The following GALNT13 variants were observed in gnomAD, a reference collection of about 807,000 sequenced individuals.
GALNT13 encodes the protein polypeptide N-acetylgalactosaminyltransferase 13, also known as UDP-GalNAc:polypeptide N-acetylgalactosaminyltransferase 13.
Under a neutral mutation model 64.2 loss-of-function variants are expected in GALNT13, and 28 were observed. That is an observed-to-expected ratio of 0.44 (90% CI 0.32 to 0.60). The LOEUF (loss-of-function observed/expected upper bound fraction) is 0.60, where lower values mean the gene tolerates loss of function less well. GALNT13 is among the 20% of genes least tolerant of loss of function. The probability of loss-of-function intolerance (pLI) is 0.05; values close to 1 mark genes in which losing one functional copy is unlikely to be tolerated. For synonymous variants in GALNT13, 214 were observed against 224.6 expected, an observed-to-expected ratio of 0.95 and a Z score of 0.42; for missense variants, 577 against 669.8, an observed-to-expected ratio of 0.86 and a Z score of 1.53.
chr2:154,002,653 A>G (rs1390372622), intron 3 of GALNT13, among the ~76,000 whole-genome samples: 2 of 152,028 alleles, frequency 1.3e-5, no homozygotes, highest in Non-Finnish European at 2.9e-5. Context: ...TTCTGGCTCC[A>G]TTACTGGAGC....
the GALNT13 span, among the ~76,000 whole-genome samples, chr2:153,365,092 T>G: frequency 2.0e-5 from 3 of 152,006 alleles, no homozygotes; most frequent in Non-Finnish European, 2.9e-5. Context: ...ACACCACACA[T>G]CTACAACCAT....
chr2:153,099,035 C>T, the GALNT13 span, among the ~76,000 whole-genome samples: 14,450 of 152,120 alleles, frequency 0.095, 765 homozygotes, highest in Non-Finnish European at 0.12. Flanking sequence ...GCAAGGGAAT[C>T]GCTTGAGGCA....
chr2:153,691,981 C>A, the GALNT13 span, among the ~76,000 whole-genome samples: 1 of 151,946 alleles, frequency 6.6e-6, no homozygotes, highest in Non-Finnish European at 1.5e-5. Flanking sequence ...GCCCAAACAC[C>A]ATTTTGGAGA....
chr2:153,241,704 C>T, the GALNT13 span, among the ~76,000 whole-genome samples: 2 of 151,814 alleles, frequency 1.3e-5, no homozygotes, highest in African/African-American at 2.4e-5. Context: ...CTATTTGTCT[C>T]TTCTGCAAGT....
At chr2:153,306,814 C>T in the GALNT13 span, among the ~76,000 whole-genome samples, 1 of 152,136 alleles carries the variant, frequency 6.6e-6, no homozygotes, top group East Asian at 1.9e-4. Context: ...AGCGCAGTGG[C>T]GTGATCTCTG....
the GALNT13 span, among the ~76,000 whole-genome samples, chr2:153,442,981 G>C: frequency 6.6e-6 from 1 of 152,186 alleles, no homozygotes; most frequent in Non-Finnish European, 1.5e-5. Flanking sequence ...AGCTTGCTGG[G>C]CTCTTTGCGG....
chr2:153,259,911 GA>G, the GALNT13 span, among the ~76,000 whole-genome samples: 1 of 151,880 alleles, frequency 6.6e-6, no homozygotes, highest in Non-Finnish European at 1.5e-5. Flanking sequence ...TCCTCTTAGT[GA>G]AGGTGAATTT....
the GALNT13 span, among the ~76,000 whole-genome samples, chr2:153,743,462 C>G: frequency 2.0e-5 from 3 of 151,694 alleles, no homozygotes; most frequent in Non-Finnish European, 4.4e-5. Flanking sequence ...TTTTTAATTT[C>G]AATTTTAATT....
the GALNT13 span, among the ~76,000 whole-genome samples, chr2:153,217,950 G>C: frequency 1.8e-4 from 28 of 152,198 alleles, no homozygotes; most frequent in East Asian, 5.4e-3. Flanking sequence ...CCTGCAGATG[G>C]ACATGTCTTT....
intron 3 of GALNT13, among the ~76,000 whole-genome samples, chr2:154,104,592 T>C (rs1702514429): frequency 6.6e-6 from 1 of 152,218 alleles, no homozygotes; most frequent in South Asian, 2.1e-4. Flanking sequence ...TGCTCCCCTC[T>C]TTTGAAGACT....
At chr2:153,129,742 C>T in the GALNT13 span, among the ~76,000 whole-genome samples, 1 of 151,778 alleles carries the variant, frequency 6.6e-6, no homozygotes, top group Non-Finnish European at 1.5e-5. Flanking sequence ...TGCACTCCAG[C>T]CTGGTGACAG....
intron 3 of GALNT13, among the ~76,000 whole-genome samples, chr2:154,032,277 C>A (rs1321640246): frequency 6.6e-6 from 1 of 151,950 alleles, no homozygotes; most frequent in Non-Finnish European, 1.5e-5. Flanking sequence ...GTGAGTAGTC[C>A]TGTTTGTATT....
At chr2:153,421,708 A>G in the GALNT13 span, 1 of 290,814 alleles carries the variant, frequency 3.4e-6, no homozygotes, top group Non-Finnish European at 7.0e-6. Flanking sequence ...CTCAGGGTGG[A>G]AGAGCTGGTG....
the GALNT13 span, among the ~76,000 whole-genome samples, chr2:153,533,159 T>C: frequency 6.6e-6 from 1 of 152,228 alleles, no homozygotes; most frequent in Non-Finnish European, 1.5e-5. Flanking sequence ...TGTTTTTCTT[T>C]ATCTTTCATT....
chr2:153,642,034 A>G, the GALNT13 span, among the ~76,000 whole-genome samples: 2 of 151,942 alleles, frequency 1.3e-5, no homozygotes, highest in South Asian at 2.1e-4. Context: ...TATATTTTCT[A>G]TTATCTTCAA....
At chr2:153,194,289 T>G in the GALNT13 span, among the ~76,000 whole-genome samples, 1 of 152,174 alleles carries the variant, frequency 6.6e-6, no homozygotes, top group African/African-American at 2.4e-5. Context: ...TTATTTTTTA[T>G]GCTTTTTTGT....
At chr2:153,493,782 A>T in the GALNT13 span, among the ~76,000 whole-genome samples, 1 of 152,000 alleles carries the variant, frequency 6.6e-6, no homozygotes. Flanking sequence ...GAAAAGGAAA[A>T]TATATTGGAC....
At chr2:154,093,910 G>A (rs1654242293) in intron 3 of GALNT13, among the ~76,000 whole-genome samples, 1 of 151,402 alleles carries the variant, frequency 6.6e-6, no homozygotes, top group African/African-American at 2.4e-5. Flanking sequence ...CTCGATAAAA[G>A]CTGTCATGTA....
rs562163428 is a variant in GALNT13, at chr2:154,309,057, T to C, written c.1156+7468T>C. On this transcript the variant is annotated intron_variant, in intron 9 of 12. Transcript: ENST00000392825. ...AGTTCTTGTTTGTTACTATGTCAAG[T>C]AGGAGGGACTATGAACACTTTTAAA... Among the ~76,000 whole-genome samples the C allele has an allele frequency of 2.0e-4, 30 of 152,282 alleles. No homozygotes were observed. The South Asian group carries it at 6.0e-3, about 30-fold the overall frequency.
Sources: allele counts gnomAD v4.1 joint callset (sites outside exome capture counted in the v4.1 genomes callset), GRCh38; gene constraint gnomAD v4.1.1; transcripts MANE v1.5; gene names NCBI Gene and HGNC (gene_info 2026-07-23, HGNC 2026-07-21).